Variants in SURF4 observed in about 807,000 individuals in gnomAD.
The protein encoded by SURF4 is surfeit 4.
A neutral mutation model predicts 30.0 loss-of-function variants in SURF4; 3 were observed. The ratio of observed to expected loss-of-function variants is 0.10; its 90% CI spans 0.05 to 0.26. SURF4 has a LOEUF of 0.26. SURF4 is among the 10% of genes least tolerant of loss of function. The probability of loss-of-function intolerance (pLI) is 1.00; values close to 1 mark genes in which losing one functional copy is unlikely to be tolerated. For missense variants in SURF4, 217 were observed against 350.8 expected (o/e 0.62, Z 3.05); for synonymous variants, 143 against 139.9 (o/e 1.02, Z -0.16).
chr9:133,375,494 G>C, intron 1 of SURF4: 1 of 889,304 alleles, frequency 1.1e-6, no homozygotes, highest in South Asian at 5.2e-5. Context: ...TCGTCCCCGA[G>C]CTCCCAGCCC....
chr9:133,376,388 G>A, upstream of SURF4: 1 of 1,427,880 alleles, frequency 7.0e-7, no homozygotes, highest in Non-Finnish European at 9.2e-7. Context: ...GGCGCCGTTC[G>A]GGCGGGGAGG....
At chr9:133,369,893 G>A (rs1837397183) in intron 1 of SURF4, among the ~76,000 whole-genome samples, 2 of 152,266 alleles carry the variant, frequency 1.3e-5, no homozygotes, top group Admixed American at 6.5e-5. Flanking sequence ...AGGCTGTCCA[G>A]ACCTCTGAGA....
At chr9:133,376,206 G>C (rs1216558504), upstream of SURF4, 1 of 1,275,448 alleles carries the variant, frequency 7.8e-7, no homozygotes, top group Non-Finnish European at 9.8e-7. Context: ...CGACCCATCC[G>C]CTCGAAGCCA....
In SURF4 at chr9:133,361,928, CT is replaced by C. The variant is rs983637932; in HGVS notation, c.*1564del. 1 of 152,278 alleles carries C rather than the reference CT, an allele frequency of 6.6e-6. No homozygotes were observed. The highest frequency in any genetic ancestry group is 2.4e-5 in the African/African-American group (1 of 41,448). The allele number at this position is 152,278 out of a possible 1,614,324, so 9.4% of individuals were successfully genotyped here. ...GGTTGAAACACTGAGACAAGCCAGT[CT>C]TCATGCAGTGAGCACTTGAATGATC... On this transcript the variant is annotated 3_prime_UTR_variant, in exon 6 of 6. Coordinates refer to ENST00000371989, the MANE Select transcript of SURF4 (RefSeq NM_033161.4).
intron 1 of SURF4, among the ~76,000 whole-genome samples, chr9:133,372,188 G>A (rs1837546888): frequency 6.6e-6 from 1 of 152,192 alleles, no homozygotes; most frequent in African/African-American, 2.4e-5. Flanking sequence ...ATGGCTCCTG[G>A]GAGCAAGAGG....
chr9:133,371,012 G>C, intron 1 of SURF4: 1 of 1,281,104 alleles, frequency 7.8e-7, no homozygotes, highest in Non-Finnish European at 1.0e-6. Flanking sequence ...TATTTTAGAC[G>C]ACTGAAGGGG....
chr9:133,368,287 C>T (rs2130156419), intron 1 of SURF4, among the ~76,000 whole-genome samples: 1 of 152,222 alleles, frequency 6.6e-6, no homozygotes, highest in Non-Finnish European at 1.5e-5. Context: ...TAGAGGGCCA[C>T]ATGGTTGACT....
At position 133,363,222 on chromosome 9, in the gene SURF4, G is replaced by A. The variant is rs1258244763; in HGVS notation, c.*271C>T. On this transcript the variant is annotated 3_prime_UTR_variant, in exon 6 of 6. Coordinates refer to ENST00000371989, the MANE Select transcript of SURF4 (RefSeq NM_033161.4). The surrounding 1 kb of genome is among the most constrained non-coding windows in gnomAD (Gnocchi z 4.3). ...AGGACTGAGATGCCACAGCCAAGCGGGCTGTTCACTCCAAAGCCTCGGCGT... is the reference window on the plus strand; with the variant it reads ...AGGACTGAGATGCCACAGCCAAGCGAGCTGTTCACTCCAAAGCCTCGGCGT... 2.0e-5 allele frequency: 13 copies of A among 636,618 alleles called. No individual in the cohort carries two copies. 39.4% of individuals were successfully genotyped at this position (636,618 alleles called of 1,614,324 possible). A position where few individuals can be genotyped will look rare whatever the true frequency, so the allele number is the denominator to read the frequency against.
intron 1 of SURF4, chr9:133,371,045 T>C: frequency 7.9e-7 from 1 of 1,266,534 alleles, no homozygotes; most frequent in Non-Finnish European, 1.0e-6. Context: ...TAATTAATTA[T>C]ATCCACCCTG....
chr9:133,373,166 T>C (rs1345552005), intron 1 of SURF4, among the ~76,000 whole-genome samples: 1 of 152,224 alleles, frequency 6.6e-6, no homozygotes, highest in Non-Finnish European at 1.5e-5. Flanking sequence ...CCGGCTTTTC[T>C]TGGTCTTGGT....
upstream of SURF4, chr9:133,376,531 TC>T: frequency 1.2e-6 from 2 of 1,600,528 alleles, no homozygotes; most frequent in Non-Finnish European, 1.7e-6. Context: ...AGGCCCAGGG[TC>T]CCCCGGAGAG....
upstream of SURF4, chr9:133,376,390 G>A (rs2130247257): frequency 8.0e-5 from 116 of 1,443,936 alleles, no homozygotes; most frequent in African/African-American, 1.6e-3. Flanking sequence ...CGCCGTTCGG[G>A]CGGGGAGGAT....
intron 5 of SURF4, among the ~76,000 whole-genome samples, chr9:133,364,488 C>G (rs1052835585): frequency 2.0e-5 from 3 of 152,028 alleles, no homozygotes; most frequent in African/African-American, 4.8e-5. Context: ...GTCAGGAGAT[C>G]GAGACCATCC....
intron 1 of SURF4, among the ~76,000 whole-genome samples, chr9:133,373,458 C>T (rs1029660446): frequency 2.0e-5 from 3 of 151,962 alleles, no homozygotes; most frequent in African/African-American, 7.2e-5. Flanking sequence ...CAAAAATTAG[C>T]GGGGCGTGGT....
upstream of SURF4, chr9:133,376,224 C>T (rs2119195802): frequency 7.8e-7 from 1 of 1,283,410 alleles, no homozygotes; most frequent in East Asian, 3.3e-5. Context: ...CCACGCCCGC[C>T]GCGCTCGACG....
chr9:133,374,390 T>TAAA (rs1328793744), intron 1 of SURF4, among the ~76,000 whole-genome samples: 4 of 140,596 alleles, frequency 2.8e-5, no homozygotes, highest in African/African-American at 1.0e-4. Context: ...CTGTTTCTAC[T>TAAA]AAAAAAAAAA....
At chr9:133,365,865 T>TAA in intron 4 of SURF4, 120 bp downstream of exon 4, 1 of 1,023,638 alleles carries the variant, frequency 9.8e-7, no homozygotes, top group Non-Finnish European at 1.5e-6. Flanking sequence ...AATGAGCACT[T>TAA]CCTTTGAGCG....
At chr9:133,370,797 C>G (rs1404466891) in intron 1 of SURF4, 4 of 1,113,994 alleles carry the variant, frequency 3.6e-6, no homozygotes, top group Admixed American at 4.6e-5. Flanking sequence ...CCCTCCCCCC[C>G]ATTAGAGAAC....
chr9:133,375,760 T>C lies in SURF4; in HGVS notation c.48+162A>G, dbSNP rs2130240567. On this transcript the variant is annotated intron_variant, in intron 1 of 5. Transcript: ENST00000371989. ...TGGGCCCGGAGGCCGGGTTTGGGGC[T>C]GTCCAGCCGGGACAGAGGGCCCGGG... Among the ~76,000 whole-genome samples the C allele has an allele frequency of 2.8e-4, 42 of 151,918 alleles. 1 individual carries two copies. The highest frequency in any genetic ancestry group is 2.1e-3 in the South Asian group (10 of 4,824).
Sources: gnomAD v4.1 joint callset for allele counts (sites outside exome capture counted in the v4.1 genomes callset) on GRCh38, gnomAD v4.1.1 for gene constraint, Gnocchi (gnomAD v3.1) non-coding constraint, MANE v1.5 for transcripts, NCBI Gene and HGNC (gene_info 2026-07-23, HGNC 2026-07-21) for gene names.